The following ABHD10 variants were observed in gnomAD, a reference collection of about 807,000 sequenced individuals.
ABHD10 encodes the protein abhydrolase domain containing 10, depalmitoylase.
In ABHD10, 22 loss-of-function variants were observed where a neutral mutation model predicts 33.1. That is an observed-to-expected ratio of 0.66 (90% confidence interval 0.47 to 0.95). The LOEUF (loss-of-function observed/expected upper bound fraction) is 0.95. Among genes scored for constraint, ABHD10 ranks in the 40% least tolerant of loss-of-function variants. The probability of loss-of-function intolerance (pLI) is 0.00; values close to 1 mark genes in which losing one functional copy is unlikely to be tolerated. For synonymous variants in ABHD10, 146 were observed against 133.9 expected, an observed-to-expected ratio of 1.09 and a Z score of -0.62; for missense variants, 352 against 379.9, an observed-to-expected ratio of 0.93 and a Z score of 0.61.
chr3:111,985,124 G>A (rs1169896705), intron 2 of ABHD10, among the ~76,000 whole-genome samples: 1 of 152,188 alleles, frequency 6.6e-6, no homozygotes, highest in African/African-American at 2.4e-5. Context: ...ATGACTTAAA[G>A]GGTGACTACG....
chr3:111,979,736 C>G (rs1474250888), intron 1 of ABHD10, among the ~76,000 whole-genome samples: 1 of 152,130 alleles, frequency 6.6e-6, no homozygotes, highest in Non-Finnish European at 1.5e-5. Flanking sequence ...AGAATTTGGG[C>G]TAAAAATCAG....
chr3:111,989,227 C>G (rs1419974009), intron 4 of ABHD10, among the ~76,000 whole-genome samples: 1 of 152,184 alleles, frequency 6.6e-6, no homozygotes, highest in Non-Finnish European at 1.5e-5. Flanking sequence ...ACTTGACCAT[C>G]CTCTTTAACT....
intron 4 of ABHD10, among the ~76,000 whole-genome samples, chr3:111,987,464 T>C (rs910626454): frequency 9.2e-5 from 14 of 152,184 alleles, no homozygotes; most frequent in African/African-American, 3.1e-4. Flanking sequence ...GCTAATGAAC[T>C]GAAACTGCAG....
In ABHD10 at chr3:111,991,664, A is replaced by G. The variant is rs752305499; in HGVS notation, c.864A>G (p.Gln288=). 2 of 1,614,066 alleles carry G rather than the reference A, an allele frequency of 1.2e-6. No individual in the cohort carries two copies. The highest frequency in any genetic ancestry group is 1.7e-6 in the Non-Finnish European group (2 of 1,179,952). ...GAATGAGGGAAAAAGCAGACATTCA[A>G]CTTCTTGTTTACACTATTGATGACT... ...DHRMREKADI[Q]LLVYTIDDLI... is the part of the protein sequence containing the mutation. Residue 288 remains glutamine (Q), a synonymous_variant, in exon 5 of 5, where the codon CAA becomes CAG. Coordinates refer to ENST00000273359, the MANE Select transcript of ABHD10 (RefSeq NM_018394.4).
intron 4 of ABHD10, among the ~76,000 whole-genome samples, chr3:111,987,899 CAG>C (rs900599684): frequency 7.9e-5 from 12 of 152,110 alleles, no homozygotes; most frequent in Admixed American, 7.9e-4. Flanking sequence ...TTAAAGAAAA[CAG>C]AGCAGTAGTT....
rs768461945 is a variant in ABHD10, at chr3:111,991,372, A to G, written c.577-5A>G. The G allele has an allele frequency of 3.1e-6, 5 of 1,588,552 alleles. No homozygotes were observed. In the African/African-American group the frequency reaches 6.8e-5, roughly 22 times the overall value. ...TACTTTTATTTTTCTTTCTTTTTCC[A>G]ATAGCTAAAAAAGGAAGTAGAGATG... On this transcript the variant is annotated splice_polypyrimidine_tract_variant and splice_region_variant and intron_variant, in intron 4 of 4. Coordinates refer to ENST00000273359, the MANE Select transcript of ABHD10 (RefSeq NM_018394.4).
At chr3:111,982,269 A>G (rs1248907874) in intron 2 of ABHD10, 2 of 212,918 alleles carry the variant, frequency 9.4e-6, no homozygotes, top group South Asian at 1.8e-4. Context: ...GTTGGCTTTC[A>G]TACAGTCTCT....
intron 4 of ABHD10, among the ~76,000 whole-genome samples, chr3:111,989,949 T>C (rs1033459355): frequency 5.3e-5 from 8 of 152,062 alleles, no homozygotes; most frequent in African/African-American, 1.9e-4. Flanking sequence ...ATTTTAAACA[T>C]GGGAAAATCA....
intron 1 of ABHD10, among the ~76,000 whole-genome samples, chr3:111,980,795 T>G (rs534206823): frequency 6.6e-6 from 1 of 152,114 alleles, no homozygotes; most frequent in Non-Finnish European, 1.5e-5. Flanking sequence ...AAAACGATAC[T>G]ATCATATGTT....
chr3:111,986,854 T>C, intron 3 of ABHD10, 60 bp from the exon 4 acceptor site: 1 of 1,309,038 alleles, frequency 7.6e-7, no homozygotes. Flanking sequence ...CATATTTTGT[T>C]TTATGTTTAT....
intron 2 of ABHD10, 24 bp from the exon 3 acceptor site, chr3:111,986,240 T>C (rs748043868): frequency 6.0e-6 from 8 of 1,331,806 alleles, no homozygotes; most frequent in Admixed American, 3.5e-5. Flanking sequence ...TATTTAGATA[T>C]AGATTTTTTT....
intron 2 of ABHD10, among the ~76,000 whole-genome samples, chr3:111,982,691 T>C (rs1264985295): frequency 6.6e-6 from 1 of 152,110 alleles, no homozygotes; most frequent in Non-Finnish European, 1.5e-5. Context: ...AAGTTTGTCA[T>C]CAAAAGAAGG....
chr3:111,980,452 A>C (rs1039299551), intron 1 of ABHD10, among the ~76,000 whole-genome samples: 1 of 152,214 alleles, frequency 6.6e-6, no homozygotes, highest in Non-Finnish European at 1.5e-5. Context: ...AAGACTGAGA[A>C]GTTTTCAAAG....
At chr3:111,988,123 C>T (rs1187124294) in intron 4 of ABHD10, among the ~76,000 whole-genome samples, 2 of 152,078 alleles carry the variant, frequency 1.3e-5, no homozygotes, top group African/African-American at 4.8e-5. Context: ...GAAGAAAAAA[C>T]GTATGCAGTG....
chr3:111,987,635 A>G (rs1459189575), intron 4 of ABHD10, among the ~76,000 whole-genome samples: 1 of 152,232 alleles, frequency 6.6e-6, no homozygotes, highest in Non-Finnish European at 1.5e-5. Flanking sequence ...AGTACAATGT[A>G]AGCGCTATGT....
At chr3:111,990,084 AAC>A (rs2072722162) in intron 4 of ABHD10, among the ~76,000 whole-genome samples, 1 of 152,006 alleles carries the variant, frequency 6.6e-6, no homozygotes, top group Admixed American at 6.6e-5. Flanking sequence ...ATATGATTGT[AAC>A]AGTCTTGAAA....
Position 111,981,813 on chromosome 3 carries a change from CTTAATCG to C in ABHD10, c.173_179del (p.Leu58HisfsTer12), listed in dbSNP as rs1447173737. ...TAGACAAAAGACGTCACTCTCATTC[CTTAATCG>C]ACCAGACCTTCCAAACCTGGCTTAT... is the stretch of plus-strand genomic sequence containing the variant. On this transcript the variant is annotated frameshift_variant, in exon 2 of 5. Coordinates refer to ENST00000273359, the MANE Select transcript of ABHD10 (RefSeq NM_018394.4). LOFTEE classifies it high-confidence loss of function. 3.8e-6 allele frequency: 6 copies of C among 1,585,448 alleles called. No homozygotes were observed. The South Asian group carries it at 6.9e-5, about 18-fold the overall frequency.
chr3:111,989,831 CTT>C (rs562300742), intron 4 of ABHD10, among the ~76,000 whole-genome samples: 182 of 151,336 alleles, frequency 1.2e-3, no homozygotes, highest in Middle Eastern at 0.01. Flanking sequence ...ATTATTAAGT[CTT>C]TTTGGAATTA....
rs1266582858 is a variant in ABHD10 at position 111,991,553 on chromosome 3, T to C, written c.753T>C (p.Ile251=). The C allele has an allele frequency of 3.1e-6, 5 of 1,614,106 alleles. No individual in the cohort carries two copies. Among genetic ancestry groups the C allele is most frequent in the Middle Eastern group, 3.3e-4 (2 of 6,062 alleles). Residue 251 remains isoleucine (I), a synonymous_variant, in exon 5 of 5, where the codon ATT becomes ATC. Coordinates refer to ENST00000273359, the MANE Select transcript of ABHD10 (RefSeq NM_018394.4). The part of the protein sequence containing the change: ...IRLLHGMKDD[I]VPWHTSMQVA... The stretch of plus-strand genomic sequence containing the variant: ...TGCTCCATGGCATGAAGGATGACAT[T>C]GTACCTTGGCATACATCAATGCAGG...
Sources: gnomAD v4.1 joint callset for allele counts (sites outside exome capture counted in the v4.1 genomes callset) on GRCh38, gnomAD v4.1.1 for gene constraint, MANE v1.5 for transcripts, NCBI Gene and HGNC (gene_info 2026-07-23, HGNC 2026-07-21) for gene names.